The following ZNG1F variants were observed in gnomAD, a reference collection of about 807,000 sequenced individuals.
ZNG1F encodes the protein Zn regulated GTPase metalloprotein activator 1F.
the ZNG1F span, chr9:41,164,873 T>A: frequency 5.0e-6 from 3 of 599,174 alleles, no homozygotes; most frequent in Non-Finnish European, 5.9e-6. Context: ...ACAATATATG[T>A]GATTCCCTAA....
At chr9:41,156,931 G>T in the ZNG1F span, 1 of 122,168 alleles carries the variant, frequency 8.2e-6, no homozygotes, top group East Asian at 2.3e-4. Context: ...CACGTGATTT[G>T]ATTTCATTCA....
At chr9:41,193,550 C>T in the ZNG1F span, among the ~76,000 whole-genome samples, 1 of 149,022 alleles carries the variant, frequency 6.7e-6, no homozygotes, top group African/African-American at 2.5e-5. Flanking sequence ...AAGGAAGTCC[C>T]CTCTGCTCTA....
At chr9:41,171,823 G>T in the ZNG1F span, 2 of 269,548 alleles carry the variant, frequency 7.4e-6, no homozygotes, top group South Asian at 2.4e-5. Flanking sequence ...TTTAAACACT[G>T]AATTTAAACT....
the ZNG1F span, among the ~76,000 whole-genome samples, chr9:41,139,743 A>G: frequency 2.0e-5 from 3 of 151,766 alleles, no homozygotes; most frequent in Non-Finnish European, 4.4e-5. Context: ...TTGAATGGAT[A>G]AAATAAATGT....
chr9:41,154,586 A>G, the ZNG1F span, among the ~76,000 whole-genome samples: 9 of 143,424 alleles, frequency 6.3e-5, no homozygotes, highest in African/African-American at 1.8e-4. Context: ...GAGGCATCAC[A>G]CTACCTGACT....
the ZNG1F span, among the ~76,000 whole-genome samples, chr9:41,144,010 T>TA: frequency 2.9e-5 from 1 of 34,198 alleles, no homozygotes; most frequent in African/African-American, 6.1e-5. Flanking sequence ...GATTTTTTTT[T>TA]AAAAAAGCTC....
At chr9:41,184,100 A>T in the ZNG1F span, among the ~76,000 whole-genome samples, 1 of 151,020 alleles carries the variant, frequency 6.6e-6, no homozygotes, top group Admixed American at 6.7e-5. Flanking sequence ...TCTGTTAGAC[A>T]AACTGCTGAA....
At chr9:41,146,066 A>C in the ZNG1F span, 1 of 143,244 alleles carries the variant, frequency 7.0e-6, no homozygotes, top group Non-Finnish European at 1.5e-5. Flanking sequence ...AAGTTTAGGA[A>C]AGAGAAAGAA....
the ZNG1F span, among the ~76,000 whole-genome samples, chr9:41,152,249 CAAAG>C: frequency 7.0e-6 from 1 of 142,232 alleles, no homozygotes; most frequent in African/African-American, 2.6e-5. Flanking sequence ...TCAAAAGAGA[CAAAG>C]AAGGCCATTA....
the ZNG1F span, among the ~76,000 whole-genome samples, chr9:41,149,708 T>C: frequency 6.6e-6 from 1 of 151,160 alleles, no homozygotes; most frequent in South Asian, 2.1e-4. Flanking sequence ...TCAAGGGGTA[T>C]AAAGCTTCAG....
chr9:41,155,256 G>C, the ZNG1F span, among the ~76,000 whole-genome samples: 2 of 150,568 alleles, frequency 1.3e-5, no homozygotes, highest in Non-Finnish European at 3.0e-5. Flanking sequence ...ATGAAAAAAT[G>C]CTCACCATCT....
the ZNG1F span, chr9:41,165,177 T>C: frequency 8.3e-7 from 1 of 1,199,634 alleles, no homozygotes; most frequent in Non-Finnish European, 1.1e-6. Flanking sequence ...TGTTAACAAA[T>C]TAAAAATAAA....
chr9:41,137,234 C>T, the ZNG1F span, among the ~76,000 whole-genome samples: 1 of 150,376 alleles, frequency 6.6e-6, no homozygotes, highest in African/African-American at 2.4e-5. Flanking sequence ...TCATCTTTGA[C>T]CCAATGATCA....
chr9:41,183,721 A>G, the ZNG1F span: 1 of 1,604,234 alleles, frequency 6.2e-7, no homozygotes, highest in Non-Finnish European at 8.5e-7. Flanking sequence ...TTAGCCAACA[A>G]AAAACAAAGA....
chr9:41,183,779 A>T, the ZNG1F span: 46 of 1,554,128 alleles, frequency 3.0e-5, 3 homozygotes, highest in Middle Eastern at 9.3e-4. Context: ...CTTATATTTT[A>T]TAACTTATAT....
the ZNG1F span, among the ~76,000 whole-genome samples, chr9:41,150,242 C>A: frequency 1.3e-5 from 2 of 148,232 alleles, no homozygotes; most frequent in African/African-American, 5.0e-5. Flanking sequence ...GTCACTCCCA[C>A]CCGAATACTG....
the ZNG1F span, among the ~76,000 whole-genome samples, chr9:41,175,059 T>C: frequency 1.4e-5 from 2 of 140,214 alleles, 1 homozygote; most frequent in Admixed American, 1.5e-4. Context: ...TATTTGATTT[T>C]TGAAAGCATC....
the ZNG1F span, among the ~76,000 whole-genome samples, chr9:41,150,695 AC>A: frequency 1.2e-5 from 1 of 84,304 alleles, no homozygotes; most frequent in African/African-American, 4.8e-5. Context: ...ACTGGGAGGC[AC>A]CCCCTAGCAG....
At chr9:41,141,305 G>A in the ZNG1F span, among the ~76,000 whole-genome samples, 1 of 149,994 alleles carries the variant, frequency 6.7e-6, no homozygotes. Flanking sequence ...TTGTCACTTG[G>A]GTTTTCTCAT....
Sources: allele counts gnomAD v4.1 joint callset (sites outside exome capture counted in the v4.1 genomes callset), GRCh38; gene constraint gnomAD v4.1.1; transcripts MANE v1.5; gene names NCBI Gene and HGNC (gene_info 2026-07-23, HGNC 2026-07-21).